The following FAM120A variants were observed in gnomAD, a reference collection of about 807,000 sequenced individuals.
FAM120A encodes the protein family with sequence similarity 120 member A.
In FAM120A, 15 loss-of-function variants were observed where a neutral mutation model predicts 109.7. That is an observed-to-expected ratio of 0.14 (90% CI 0.09 to 0.21). The LOEUF is 0.21. FAM120A is among the 10% of genes least tolerant of loss of function. FAM120A has a pLI of 1.00. For missense variants in FAM120A, 899 were observed against 1,439.3 expected, an observed-to-expected ratio of 0.62 and a Z score of 6.07; for synonymous variants, 493 against 572.8, an observed-to-expected ratio of 0.86 and a Z score of 1.99.
chr9:93,536,299 C>T (rs1861514769), intron 10 of FAM120A, among the ~76,000 whole-genome samples: 1 of 152,238 alleles, frequency 6.6e-6, no homozygotes, highest in Non-Finnish European at 1.5e-5. Flanking sequence ...TCTCCTCCGA[C>T]CCTGCTTCCT....
chr9:93,465,025 G>A (rs1857954692), intron 1 of FAM120A, among the ~76,000 whole-genome samples: 2 of 152,122 alleles, frequency 1.3e-5, no homozygotes, highest in African/African-American at 4.8e-5. Context: ...ATAAATAAGA[G>A]TGAGAGAGTA....
intron 2 of FAM120A, among the ~76,000 whole-genome samples, chr9:93,472,590 T>C (rs933639365): frequency 6.6e-6 from 1 of 152,216 alleles, no homozygotes; most frequent in Non-Finnish European, 1.5e-5. Context: ...ATATATTCTA[T>C]AGAGGCTAGC....
intron 5 of FAM120A, among the ~76,000 whole-genome samples, chr9:93,502,689 A>G (rs1859858474): frequency 6.6e-6 from 1 of 152,144 alleles, no homozygotes; most frequent in African/African-American, 2.4e-5. Flanking sequence ...ATTTTTAAGC[A>G]TTCACTATGT....
chr9:93,517,165 A>C (rs4743928), intron 7 of FAM120A, among the ~76,000 whole-genome samples: 42,444 of 152,136 alleles, frequency 0.28, 6,999 homozygotes, highest in East Asian at 0.42. Flanking sequence ...GACCCAGGGC[A>C]GAGCTTACTG....
At chr9:93,484,107 C>G (rs1297469184) in intron 3 of FAM120A, among the ~76,000 whole-genome samples, 1 of 151,144 alleles carries the variant, frequency 6.6e-6, no homozygotes, top group Non-Finnish European at 1.5e-5. Flanking sequence ...TGGCTGTTCA[C>G]AGGTGTGATC....
intron 10 of FAM120A, among the ~76,000 whole-genome samples, chr9:93,540,816 G>A (rs1455876926): frequency 3.3e-5 from 5 of 152,070 alleles, no homozygotes; most frequent in Admixed American, 1.3e-4. Context: ...AGGCCTAAAG[G>A]TTTTGAAATT....
intron 5 of FAM120A, among the ~76,000 whole-genome samples, chr9:93,512,223 G>A (rs882851): frequency 0.28 from 42,464 of 152,116 alleles, 7,008 homozygotes; most frequent in East Asian, 0.42. Flanking sequence ...ATGGGGACTG[G>A]GGTAAGGCCG....
At chr9:93,546,970 C>T (rs977965484) in intron 11 of FAM120A, among the ~76,000 whole-genome samples, 17 of 152,164 alleles carry the variant, frequency 1.1e-4, no homozygotes, top group Non-Finnish European at 1.9e-4. Flanking sequence ...ATGTTAACAT[C>T]GATCACTTGG....
intron 11 of FAM120A, among the ~76,000 whole-genome samples, chr9:93,543,786 C>T (rs989090979): frequency 1.3e-5 from 2 of 151,996 alleles, no homozygotes; most frequent in African/African-American, 4.8e-5. Flanking sequence ...AGAGGGGATT[C>T]TTGTTATATA....
At position 93,537,205 on chromosome 9, in the gene FAM120A, A is replaced by G. The variant is rs1052908585; in HGVS notation, c.1909+4876A>G. On this transcript the variant is annotated intron_variant, in intron 10 of 17. Coordinates refer to ENST00000277165, the MANE Select transcript of FAM120A (RefSeq NM_014612.5). ...GTGGTGGAGGTGGTTACATGCCTCA[A>G]TGGCTTTTCCTCCTTCAGGGTGCCT... Among the ~76,000 whole-genome samples the G allele has an allele frequency of 4.6e-5, 7 of 152,324 alleles. No homozygotes were observed. The East Asian group carries it at 5.8e-4, about 13-fold the overall frequency.
Position 93,564,677 on chromosome 9 carries a change from T to A in FAM120A, c.*137T>A. 1.6e-6 allele frequency: 1 copy of A among 635,578 alleles called. No homozygotes were observed. Among genetic ancestry groups the A allele is most frequent in the Non-Finnish European group, 2.6e-6 (1 of 388,302 alleles). 39.4% of individuals were successfully genotyped at this position (635,578 alleles called of 1,614,324 possible). A position where few individuals can be genotyped will look rare whatever the true frequency, so the allele number is the denominator to read the frequency against. ...TGAGGACTTTGGAAATTCAGATCCCTCTTTGATATCAGAGATTTAAACAAC... is the reference window on the plus strand; with the variant it reads ...TGAGGACTTTGGAAATTCAGATCCCACTTTGATATCAGAGATTTAAACAAC... On this transcript the variant is annotated 3_prime_UTR_variant, in exon 18 of 18. Coordinates refer to ENST00000277165, the MANE Select transcript of FAM120A (RefSeq NM_014612.5).
At chr9:93,526,639 G>C (rs900601084) in intron 7 of FAM120A, among the ~76,000 whole-genome samples, 3 of 152,092 alleles carry the variant, frequency 2.0e-5, no homozygotes, top group Non-Finnish European at 4.4e-5. Context: ...CTGTCTTTCA[G>C]ATTTTCCAGT....
At chr9:93,453,327 G>T in intron 1 of FAM120A, 3 of 986,588 alleles carry the variant, frequency 3.0e-6, no homozygotes, top group Non-Finnish European at 3.6e-6. Context: ...GGCCAGAGGA[G>T]AACTTCAGGA....
At chr9:93,530,529 A>G (rs1214260098) in intron 9 of FAM120A, 1 of 152,218 alleles carries the variant, frequency 6.6e-6, no homozygotes, top group Non-Finnish European at 1.5e-5. Context: ...ACTAATCCAA[A>G]TATTGCTTAC....
chr9:93,485,849 A>T (rs1859023833), intron 3 of FAM120A, among the ~76,000 whole-genome samples: 1 of 151,958 alleles, frequency 6.6e-6, no homozygotes, highest in Non-Finnish European at 1.5e-5. Context: ...GTCTCTATGG[A>T]TTTGCCTATT....
chr9:93,535,051 A>G (rs919739440), intron 10 of FAM120A, among the ~76,000 whole-genome samples: 4 of 152,236 alleles, frequency 2.6e-5, no homozygotes, highest in Non-Finnish European at 4.4e-5. Flanking sequence ...AGGATTTCAT[A>G]AACATTTATG....
chr9:93,502,927 T>A (rs1859869646), intron 5 of FAM120A, among the ~76,000 whole-genome samples: 1 of 152,210 alleles, frequency 6.6e-6, no homozygotes, highest in Admixed American at 6.5e-5. Context: ...CAACTAACAC[T>A]GAGGTCTCAC....
chr9:93,564,576 G>C lies in FAM120A; in HGVS notation c.*36G>C. ...TATAGAGGGTGAAGGATGCTGGAAG[G>C]GTAAGGATTTAGGAATATCTGGAGA... On this transcript the variant is annotated 3_prime_UTR_variant, in exon 18 of 18. Coordinates refer to ENST00000277165, the MANE Select transcript of FAM120A (RefSeq NM_014612.5). The C allele has an allele frequency of 3.3e-6, 5 of 1,533,736 alleles. No individual in the cohort carries two copies. The highest frequency in any genetic ancestry group is 1.4e-5 in the African/African-American group (1 of 72,638).
intron 3 of FAM120A, among the ~76,000 whole-genome samples, chr9:93,488,362 C>T (rs756883196): frequency 9.9e-5 from 15 of 151,998 alleles, no homozygotes; most frequent in Non-Finnish European, 1.6e-4. Context: ...GGTTTTCAGC[C>T]TCATCATAAT....
Sources: gnomAD v4.1 joint callset for allele counts (sites outside exome capture counted in the v4.1 genomes callset) on GRCh38, gnomAD v4.1.1 for gene constraint, MANE v1.5 for transcripts, NCBI Gene and HGNC (gene_info 2026-07-23, HGNC 2026-07-21) for gene names.